PCDHA5: variants seen among roughly 807,000 people sequenced by gnomAD.
The protein encoded by PCDHA5 is protocadherin alpha 5, also known as protocadherin alpha-5.
A neutral mutation model predicts 61.6 loss-of-function variants in PCDHA5; 43 were observed. That is an observed-to-expected ratio of 0.70 (90% CI 0.55 to 0.90). The LOEUF (loss-of-function observed/expected upper bound fraction) is 0.90, where lower values mean the gene tolerates loss of function less well. Ranked by LOEUF, PCDHA5 falls within the 40% of genes least tolerant of loss-of-function variation. PCDHA5 has a pLI of 0.00. For synonymous variants in PCDHA5, 627 were observed against 543.9 expected, an observed-to-expected ratio of 1.15 and a Z score of -2.13; for missense variants, 1,298 against 1,222.7, an observed-to-expected ratio of 1.06 and a Z score of -0.92.
At chr5:140,874,305 A>G (rs2054830761) in intron 1 of PCDHA5, among the ~76,000 whole-genome samples, 1 of 152,116 alleles carries the variant, frequency 6.6e-6, no homozygotes, top group Non-Finnish European at 1.5e-5. Context: ...CTTGTTCACA[A>G]TGAGTTGTAG....
intron 1 of PCDHA5, among the ~76,000 whole-genome samples, chr5:140,846,903 G>A (rs941589214): frequency 2.7e-5 from 4 of 149,652 alleles, no homozygotes; most frequent in Non-Finnish European, 6.0e-5. Flanking sequence ...GAAGTTGAAA[G>A]ACAATCATTT....
intron 1 of PCDHA5, among the ~76,000 whole-genome samples, chr5:140,914,725 T>C (rs1317424827): frequency 6.6e-6 from 1 of 152,164 alleles, no homozygotes; most frequent in African/African-American, 2.4e-5. Flanking sequence ...TTATTTTTTG[T>C]GTATCCATTG....
rs574473083 is a variant in PCDHA5, at chr5:140,908,105, C to T, written c.2353-70844C>T. ...CAGGTGCACTGATTGAAGTTCTGTC[C>T]ACTGGGAAGATTTCCCTTCACTGCT... is the stretch of plus-strand genomic sequence containing the variant. On this transcript the variant is annotated intron_variant, in intron 1 of 3. Coordinates refer to ENST00000529859, the MANE Select transcript of PCDHA5 (RefSeq NM_018908.3). Among the ~76,000 whole-genome samples the T allele has an allele frequency of 5.3e-5, 8 of 152,304 alleles. No individual in the cohort carries two copies. In the East Asian group the frequency reaches 1.4e-3, roughly 26 times the overall value.
Position 140,978,996 on chromosome 5 carries a change from A to C in PCDHA5, c.2400A>C (p.Ala800=). Residue 800 remains alanine, a synonymous_variant, in exon 2 of 4, where the codon GCA becomes GCC. Transcript: ENST00000529859. ...GGCGTTACTCTGCCTCCCTGAGAGC[A>C]GGCATGCACAGGTATGTATTTCCCT... ...PDWRYSASLR[A]GMHSSVHLEE... is the part of the protein sequence containing the mutation. 6.2e-7 allele frequency: 1 copy of C among 1,614,186 alleles called. No individual in the cohort carries two copies. The highest frequency in any genetic ancestry group is 8.5e-7 in the Non-Finnish European group (1 of 1,180,024).
intron 1 of PCDHA5, among the ~76,000 whole-genome samples, chr5:140,872,937 A>C (rs2053993403): frequency 6.6e-6 from 1 of 152,034 alleles, no homozygotes; most frequent in South Asian, 2.1e-4. Flanking sequence ...TGTTTTTGAA[A>C]TTTTCTTTCC....
At chr5:140,854,216 A>G in intron 1 of PCDHA5, 1 of 633,308 alleles carries the variant, frequency 1.6e-6, no homozygotes, top group Non-Finnish European at 2.0e-6. Flanking sequence ...TCAATATTGG[A>G]CATCTACATT....
chr5:140,929,540 G>A, intron 1 of PCDHA5: 1 of 549,498 alleles, frequency 1.8e-6, no homozygotes, highest in Admixed American at 4.2e-5. Context: ...GAGAAACAAG[G>A]GCAAAAATTA....
intron 1 of PCDHA5, chr5:140,868,434 C>A (rs1581841717): frequency 6.6e-6 from 1 of 152,092 alleles, no homozygotes; most frequent in East Asian, 1.9e-4. Context: ...GAGAATAGAT[C>A]ATGTGGAACA....
At position 140,951,559 on chromosome 5, in the gene PCDHA5, G is replaced by A. The variant is rs545470803; in HGVS notation, c.2353-27390G>A. On this transcript the variant is annotated intron_variant, in intron 1 of 3. Transcript: ENST00000529859. ...AGCAAGGGACGGGGGGAAGTGCTAC[G>A]CACTTTTAAACAACCAGATTTCACG... 1.6e-4 allele frequency among the ~76,000 whole-genome samples: 25 copies of A among 152,040 alleles called. No individual in the cohort carries two copies. The South Asian group carries it at 5.2e-3, about 32-fold the overall frequency.
intron 1 of PCDHA5, chr5:140,966,963 G>C: frequency 6.2e-7 from 1 of 1,602,992 alleles, no homozygotes; most frequent in Non-Finnish European, 8.5e-7. Context: ...CGCGCGCTGG[G>C]GCTTGAGCTG....
At chr5:140,922,255 A>C (rs1415394722) in intron 1 of PCDHA5, among the ~76,000 whole-genome samples, 2 of 152,256 alleles carry the variant, frequency 1.3e-5, no homozygotes, top group Non-Finnish European at 2.9e-5. Flanking sequence ...ATAAGTTACT[A>C]AGTGCCATGA....
intron 1 of PCDHA5, among the ~76,000 whole-genome samples, chr5:140,893,847 C>T (rs962788536): frequency 6.6e-6 from 1 of 152,134 alleles, no homozygotes; most frequent in African/African-American, 2.4e-5. Flanking sequence ...TGATGCCCTA[C>T]CTCTTGTATA....
At chr5:140,879,391 G>A (rs2057973329) in intron 1 of PCDHA5, among the ~76,000 whole-genome samples, 1 of 152,184 alleles carries the variant, frequency 6.6e-6, no homozygotes, top group South Asian at 2.1e-4. Flanking sequence ...TGGAGAAACA[G>A]TTTGTGTGTA....
At chr5:140,832,971 T>C (rs115888961) in intron 1 of PCDHA5, among the ~76,000 whole-genome samples, 2,340 of 152,296 alleles carry the variant, frequency 0.015, 65 homozygotes, top group African/African-American at 0.053. Flanking sequence ...ATTCCAAATG[T>C]ACCTAGAAAT....
At chr5:140,957,023 G>C (rs1360382480) in intron 1 of PCDHA5, among the ~76,000 whole-genome samples, 2 of 152,100 alleles carry the variant, frequency 1.3e-5, no homozygotes, top group Non-Finnish European at 2.9e-5. Flanking sequence ...TGAGCATTTA[G>C]ATATTTATGG....
At position 140,834,371 on chromosome 5, in the gene PCDHA5, C is replaced by G. The variant is rs2150215996; in HGVS notation, c.2352+10244C>G. Reference sequence around the variant, plus strand: ...AAGTTTTGCTGACTAGAAAAACAAGCCAATAATTTGAAATGGTGTGCCCGA... The same window carrying G: ...AAGTTTTGCTGACTAGAAAAACAAGGCAATAATTTGAAATGGTGTGCCCGA... On this transcript the variant is annotated intron_variant, in intron 1 of 3. Coordinates refer to ENST00000529859, the MANE Select transcript of PCDHA5 (RefSeq NM_018908.3). 3.9e-6 allele frequency: 6 copies of G among 1,557,822 alleles called. No individual in the cohort carries two copies. In the African/African-American group the frequency reaches 8.2e-5, roughly 21 times the overall value.
chr5:141,000,417 A>ATTTT (rs1563652061), intron 3 of PCDHA5, among the ~76,000 whole-genome samples: 4 of 77,746 alleles, frequency 5.1e-5, no homozygotes, highest in African/African-American at 1.1e-4. Flanking sequence ...ATATATATAT[A>ATTTT]TATATTTTTT....
chr5:140,883,213 A>G, intron 1 of PCDHA5: 1 of 1,614,090 alleles, frequency 6.2e-7, no homozygotes, highest in South Asian at 1.1e-5. Flanking sequence ...AAAAGAAATT[A>G]TATGAAATAT....
chr5:140,865,785 T>C (rs2049000599), intron 1 of PCDHA5: 1 of 152,188 alleles, frequency 6.6e-6, no homozygotes, highest in South Asian at 2.1e-4. Flanking sequence ...ATGTGTATCT[T>C]TCAGGCTTCA....
Sources: gnomAD v4.1 joint callset for allele counts (sites outside exome capture counted in the v4.1 genomes callset) on GRCh38, gnomAD v4.1.1 for gene constraint, MANE v1.5 for transcripts, NCBI Gene and HGNC (gene_info 2026-07-23, HGNC 2026-07-21) for gene names.